The following FAM228B variants were observed in gnomAD, a reference collection of about 807,000 sequenced individuals.
FAM228B encodes family with sequence similarity 228 member B.
Under a neutral mutation model 42.6 loss-of-function variants are expected in FAM228B, and 38 were observed. The observed-to-expected ratio is 0.89, with a 90% CI of 0.69 to 1.17. The LOEUF is 1.17. Ranked by LOEUF, FAM228B falls within the 50% of genes most tolerant of loss-of-function variation. The pLI is 0.00. For synonymous variants in FAM228B, 109 were observed against 122.3 expected, an observed-to-expected ratio of 0.89 and a Z score of 0.72; for missense variants, 344 against 367.3, an observed-to-expected ratio of 0.94 and a Z score of 0.52.
At chr2:24,157,439 G>GT (rs1334231405) in intron 7 of FAM228B, among the ~76,000 whole-genome samples, 2 of 151,782 alleles carry the variant, frequency 1.3e-5, no homozygotes, top group East Asian at 3.8e-4. Flanking sequence ...ATCATGGAAA[G>GT]TTAAAAAAAA....
At chr2:24,159,298 T>C (rs2151029999) in intron 7 of FAM228B, among the ~76,000 whole-genome samples, 1 of 152,352 alleles carries the variant, frequency 6.6e-6, no homozygotes, top group Non-Finnish European at 1.5e-5. Context: ...CAAAGAATCA[T>C]GTATTGAGTT....
chr2:24,117,396 T>A (rs1402906857), intron 3 of FAM228B, among the ~76,000 whole-genome samples: 1 of 152,084 alleles, frequency 6.6e-6, no homozygotes, highest in Non-Finnish European at 1.5e-5. Context: ...TTCATGCCCC[T>A]AGAATCTTTC....
chr2:24,079,295 T>C, intron 1 of FAM228B: 2 of 749,064 alleles, frequency 2.7e-6, no homozygotes, highest in Non-Finnish European at 4.3e-6. Context: ...TTCTCTGAAA[T>C]CGGGTTCCCT....
intron 1 of FAM228B, 71 bp from the exon 2 acceptor site, chr2:24,124,259 C>A: frequency 1.3e-6 from 1 of 757,742 alleles, no homozygotes. Flanking sequence ...TGCAAGGACA[C>A]AGGTGGTATT....
intron 3 of FAM228B, among the ~76,000 whole-genome samples, chr2:24,110,202 T>G (rs1665766866): frequency 6.6e-6 from 1 of 152,192 alleles, no homozygotes; most frequent in African/African-American, 2.4e-5. Flanking sequence ...ATACCACCTG[T>G]TCTCACTTGT....
intron 5 of FAM228B, among the ~76,000 whole-genome samples, chr2:24,140,476 C>T (rs1046094997): frequency 2.0e-5 from 3 of 152,010 alleles, no homozygotes; most frequent in Admixed American, 6.6e-5. Context: ...TGTGCCTGGC[C>T]TTATCTTGTA....
chr2:24,145,212 C>T (rs1014833017), intron 5 of FAM228B, among the ~76,000 whole-genome samples: 1 of 152,202 alleles, frequency 6.6e-6, no homozygotes, highest in Admixed American at 6.5e-5. Flanking sequence ...CCACTGTATA[C>T]TGCTCTGAGG....
intron 5 of FAM228B, among the ~76,000 whole-genome samples, 197 bp from the exon 6 acceptor site, chr2:24,146,551 T>G (rs1666898853): frequency 1.3e-5 from 2 of 152,254 alleles, no homozygotes; most frequent in South Asian, 4.1e-4. Context: ...CTGGAGGGCC[T>G]TTAAGAGAGG....
intron 3 of FAM228B, among the ~76,000 whole-genome samples, chr2:24,116,166 A>G (rs1665910259): frequency 6.6e-6 from 1 of 151,982 alleles, no homozygotes; most frequent in Admixed American, 6.6e-5. Context: ...ATCTCTACTA[A>G]AAATACAAAA....
intron 5 of FAM228B, among the ~76,000 whole-genome samples, 168 bp downstream of exon 5, chr2:24,139,618 A>G (rs2151019982): frequency 6.6e-6 from 1 of 152,356 alleles, no homozygotes; most frequent in East Asian, 1.9e-4. Context: ...AGGCCAAAGT[A>G]AATTAAATCT....
intron 3 of FAM228B, among the ~76,000 whole-genome samples, chr2:24,114,067 AG>A (rs1212429128): frequency 2.0e-5 from 3 of 152,218 alleles, no homozygotes; most frequent in African/African-American, 7.2e-5. Context: ...GCTATTATAC[AG>A]AGCTGAAAAT....
rs776891935 is a variant in FAM228B at position 24,082,913 on chromosome 2, G to A, written c.-210+1958G>A. 5 of 1,611,656 alleles carry A rather than the reference G, an allele frequency of 3.1e-6. No individual in the cohort carries two copies. The South Asian group carries it at 5.5e-5, about 18-fold the overall frequency. On this transcript the variant is annotated intron_variant, in intron 2 of 10. Transcript: ENST00000613899. The stretch of plus-strand genomic sequence containing the variant: ...CAAGATGTAACAGCTGGAAGGCGGT[G>A]AGCCAGGCCTCTGGGATGGCTGCAG...
intron 7 of FAM228B, among the ~76,000 whole-genome samples, chr2:24,157,460 G>A (rs1219734754): frequency 3.3e-5 from 5 of 152,022 alleles, no homozygotes; most frequent in African/African-American, 7.2e-5. Flanking sequence ...AATTCTGGCC[G>A]GGCATGGTGG....
intron 2 of FAM228B, among the ~76,000 whole-genome samples, chr2:24,086,489 CTCCCTCCTTCCTTCCT>C (rs966774845): frequency 3.3e-5 from 5 of 151,788 alleles, no homozygotes; most frequent in Non-Finnish European, 5.9e-5. Flanking sequence ...CTCTCCCTCC[CTCCCTCCTTCCTTCCT>C]TCCCTCCTTC....
At chr2:24,158,614 G>A (rs556906053) in intron 7 of FAM228B, among the ~76,000 whole-genome samples, 1 of 152,200 alleles carries the variant, frequency 6.6e-6, no homozygotes, top group South Asian at 2.1e-4. Context: ...AGGACTGGAG[G>A]TTGGAGATCA....
At chr2:24,125,604 A>C (rs949452059) in intron 2 of FAM228B, among the ~76,000 whole-genome samples, 1 of 151,046 alleles carries the variant, frequency 6.6e-6, no homozygotes, top group Non-Finnish European at 1.5e-5. Context: ...TCTATCACTC[A>C]GCCAGGAAAA....
At chr2:24,114,339 G>A (rs1665850508) in intron 3 of FAM228B, among the ~76,000 whole-genome samples, 1 of 152,118 alleles carries the variant, frequency 6.6e-6, no homozygotes, top group Non-Finnish European at 1.5e-5. Context: ...GGTCTCCGTG[G>A]CCATGCAGTT....
At chr2:24,118,777 A>G (rs1041111670), upstream of FAM228B, among the ~76,000 whole-genome samples, 1 of 152,174 alleles carries the variant, frequency 6.6e-6, no homozygotes, top group African/African-American at 2.4e-5. Context: ...CTGCTTCCCT[A>G]ATTTATCTAG....
chr2:24,135,233 G>GTTTTTCC (rs1171166581), intron 3 of FAM228B, 46 bp downstream of exon 3: 3 of 1,133,870 alleles, frequency 2.6e-6, no homozygotes, highest in Non-Finnish European at 3.7e-6. Flanking sequence ...ATTAAATGTA[G>GTTTTTCC]TTTTTCCTTT....
Sources: gnomAD v4.1 joint callset for allele counts (sites outside exome capture counted in the v4.1 genomes callset) on GRCh38, gnomAD v4.1.1 for gene constraint, MANE v1.5 for transcripts, NCBI Gene and HGNC (gene_info 2026-07-23, HGNC 2026-07-21) for gene names.